DMD: variants seen among roughly 807,000 people sequenced by gnomAD.
The protein encoded by DMD is mutant dystrophin.
A neutral mutation model predicts 330.1 loss-of-function variants in DMD; 63 were observed. That is an observed-to-expected ratio of 0.19 (90% CI 0.16 to 0.24). DMD has a LOEUF of 0.24. Ranked by LOEUF, DMD falls within the 10% of genes least tolerant of loss-of-function variation. The pLI is 1.00. For synonymous variants in DMD, 1,223 were observed against 959.8 expected, an observed-to-expected ratio of 1.27 and a Z score of -5.07; for missense variants, 3,344 against 2,684.1, an observed-to-expected ratio of 1.25 and a Z score of -5.43.
rs12687929 is a variant in DMD at position 31,473,590 on chromosome X, C to G, written c.8937+4516G>C. On this transcript the variant is annotated intron_variant, in intron 59 of 78. Coordinates refer to ENST00000357033, the MANE Select transcript of DMD (RefSeq NM_004006.3). The stretch of plus-strand genomic sequence containing the variant: ...CAAAAATCAGCTGGGCGTGGTGGTG[C>G]GCGCCTGTAGTCCCAGCTACTCAGG... Among the ~76,000 whole-genome samples, 53 of 104,160 alleles carry G rather than the reference C, an allele frequency of 5.1e-4. No individual in the cohort carries two copies. The East Asian group carries it at 0.016, about 32-fold the overall frequency. 90.5% of individuals were successfully genotyped at this position (104,160 alleles called of 115,157 possible). A position where few individuals can be genotyped will look rare whatever the true frequency, so the allele number is the denominator to read the frequency against.
chrX:31,689,984 G>T (rs1180161848), intron 52 of DMD, among the ~76,000 whole-genome samples: 1 of 112,015 alleles, frequency 8.9e-6, no homozygotes, highest in African/African-American at 3.2e-5. Flanking sequence ...ATGGATTGAA[G>T]ACTTAATGTT....
chrX:32,733,401 C>T (rs1156922087), intron 7 of DMD, among the ~76,000 whole-genome samples: 6 of 109,841 alleles, frequency 5.5e-5, no homozygotes, highest in Non-Finnish European at 1.1e-4. Flanking sequence ...CTCAGCTCTG[C>T]ACCAAGTGGA....
chrX:31,610,728 G>T (rs1183462237), intron 55 of DMD, among the ~76,000 whole-genome samples: 1 of 111,707 alleles, frequency 9.0e-6, no homozygotes, highest in Admixed American at 9.5e-5. Context: ...CCTGAAAAAA[G>T]AAATTTTTAT....
chrX:31,433,448 T>C (rs2064231350), intron 60 of DMD, among the ~76,000 whole-genome samples: 2 of 108,461 alleles, frequency 1.8e-5, no homozygotes, highest in Admixed American at 9.8e-5. Context: ...TAGTTCTTTT[T>C]TTTCTTTCTT....
intron 1 of DMD, among the ~76,000 whole-genome samples, chrX:33,060,595 G>A (rs2094570805): frequency 9.0e-6 from 1 of 111,486 alleles, no homozygotes; most frequent in Non-Finnish European, 1.9e-5. Context: ...CACTTTAGGA[G>A]GCAGAGGCAG....
At chrX:32,016,986 C>G (rs1046749406) in intron 44 of DMD, among the ~76,000 whole-genome samples, 2 of 112,300 alleles carry the variant, frequency 1.8e-5, no homozygotes, top group Non-Finnish European at 3.8e-5. Context: ...GAAGTATTGT[C>G]ATAAAATGTG....
At chrX:33,222,268 A>G (rs1244888974) in intron 1 of DMD, among the ~76,000 whole-genome samples, 2 of 111,994 alleles carry the variant, frequency 1.8e-5, no homozygotes, top group African/African-American at 6.5e-5. Flanking sequence ...ACAATCTACC[A>G]TATTAACAGG....
rs779706812 is a variant in DMD, at chrX:32,416,013, A to C, written c.4072-4100T>G. 1.7e-4 allele frequency among the ~76,000 whole-genome samples: 19 copies of C among 112,333 alleles called. No individual in the cohort carries two copies. The East Asian group carries it at 4.7e-3, about 28-fold the overall frequency. On this transcript the variant is annotated intron_variant, in intron 29 of 78. Coordinates refer to ENST00000357033, the MANE Select transcript of DMD (RefSeq NM_004006.3). Reference sequence around the variant, plus strand: ...AGTTTCTCACATTTCCATTTTAAAAATAATGTACTAACCTTTGTACCACAA... The same window carrying C: ...AGTTTCTCACATTTCCATTTTAAAACTAATGTACTAACCTTTGTACCACAA...
At chrX:33,052,421 T>C (rs962172519) in intron 1 of DMD, among the ~76,000 whole-genome samples, 1 of 112,207 alleles carries the variant, frequency 8.9e-6, no homozygotes, top group Non-Finnish European at 1.9e-5. Context: ...GTTTCTCATA[T>C]AGTTTAAAAC....
chrX:32,613,385 G>C (rs937825953), intron 12 of DMD, among the ~76,000 whole-genome samples: 1 of 109,824 alleles, frequency 9.1e-6, no homozygotes, highest in Admixed American at 9.8e-5. Context: ...TTAAAATAAA[G>C]CACCCTCATA....
intron 49 of DMD, among the ~76,000 whole-genome samples, chrX:31,832,358 T>C (rs1309614278): frequency 9.0e-6 from 1 of 111,514 alleles, no homozygotes; most frequent in Non-Finnish European, 1.9e-5. Flanking sequence ...AAGATGTTGA[T>C]GTTGGCAGTA....
intron 17 of DMD, among the ~76,000 whole-genome samples, chrX:32,542,963 T>C (rs2048625082): frequency 8.9e-6 from 1 of 111,966 alleles, no homozygotes; most frequent in East Asian, 2.8e-4. Context: ...ACCTTAGTCA[T>C]ATATCTATGA....
chrX:31,147,361 G>A lies in DMD; in HGVS notation c.10711C>T (p.Arg3571Cys), dbSNP rs1221893618. 2 of 1,207,567 alleles carry A rather than the reference G, an allele frequency of 1.7e-6. No homozygotes were observed. Among genetic ancestry groups the A allele is most frequent in the Admixed American group, 4.4e-5 (2 of 45,426 alleles). ...AGGATTTGCATCCTGGCTTCCAGGC[G>A]GCCTTTGTGTTGACGCAGTAGCTTG... ...EAKLLRQHKG[R>C]LEARMQILED... is the part of the protein sequence containing the mutation. Residue 3571 changes from arginine to cysteine, a missense_variant, in exon 75 of 79, where the codon CGC becomes TGC. Physicochemically the swap from Arg to Cys is radical, Grantham distance 180. Coordinates refer to ENST00000357033, the MANE Select transcript of DMD (RefSeq NM_004006.3).
intron 44 of DMD, among the ~76,000 whole-genome samples, chrX:32,165,149 G>A (rs1316494101): frequency 8.9e-6 from 1 of 112,369 alleles, no homozygotes; most frequent in Non-Finnish European, 1.9e-5. Flanking sequence ...GCACTGCCTA[G>A]CGGAGCTATG....
intron 7 of DMD, among the ~76,000 whole-genome samples, chrX:32,723,354 C>G (rs1354512870): frequency 9.0e-6 from 1 of 111,132 alleles, no homozygotes; most frequent in Non-Finnish European, 1.9e-5. Flanking sequence ...CATCTATATT[C>G]CTCCTAGATA....
chrX:32,409,362 T>G (rs2098132631), intron 30 of DMD, among the ~76,000 whole-genome samples: 2 of 111,899 alleles, frequency 1.8e-5, no homozygotes, highest in Admixed American at 1.9e-4. Flanking sequence ...ATAATTTATC[T>G]GTGTTCTGCT....
At chrX:31,505,551 T>C (rs1048357267) in intron 56 of DMD, among the ~76,000 whole-genome samples, 5 of 112,019 alleles carry the variant, frequency 4.5e-5, no homozygotes, top group African/African-American at 1.6e-4. Context: ...GAAGTTTCCT[T>C]CTTTCTTTAT....
At chrX:32,802,279 T>C (rs867129248) in intron 7 of DMD, among the ~76,000 whole-genome samples, 3 of 111,742 alleles carry the variant, frequency 2.7e-5, no homozygotes, top group African/African-American at 9.8e-5. Flanking sequence ...CAATTGTAAA[T>C]GGGAGTTCAC....
At chrX:31,471,879 T>C (rs1212482547) in intron 59 of DMD, among the ~76,000 whole-genome samples, 1 of 111,959 alleles carries the variant, frequency 8.9e-6, no homozygotes, top group Non-Finnish European at 1.9e-5. Flanking sequence ...TGGCCTTTGA[T>C]AGACATATTT....
Sources: gnomAD v4.1 joint callset for allele counts (sites outside exome capture counted in the v4.1 genomes callset) on GRCh38, gnomAD v4.1.1 for gene constraint, MANE v1.5 for transcripts, NCBI Gene and HGNC (gene_info 2026-07-23, HGNC 2026-07-21) for gene names.